The following LRRTM4 variants were observed in gnomAD, a reference collection of about 807,000 sequenced individuals.
LRRTM4 encodes leucine-rich repeat transmembrane neuronal protein 4.
A neutral mutation model predicts 47.6 loss-of-function variants in LRRTM4; 25 were observed. That is an observed-to-expected ratio of 0.53 (90% confidence interval 0.38 to 0.73). The LOEUF is 0.73. Among genes scored for constraint, LRRTM4 ranks in the 30% least tolerant of loss-of-function variants. LRRTM4 has a pLI of 0.00. For missense variants in LRRTM4, 638 were observed against 713.4 expected, an observed-to-expected ratio of 0.89 and a Z score of 1.20; for synonymous variants, 311 against 269.5, an observed-to-expected ratio of 1.15 and a Z score of -1.51.
chr2:77,411,618 ATTTT>A (rs1222177148), intron 3 of LRRTM4, among the ~76,000 whole-genome samples: 7 of 64,810 alleles, frequency 1.1e-4, no homozygotes, highest in African/African-American at 4.5e-4. Flanking sequence ...ATGCCCGGCT[ATTTT>A]TTTTTTTTTT....
intron 3 of LRRTM4, among the ~76,000 whole-genome samples, chr2:76,908,225 A>T (rs899305470): frequency 7.2e-5 from 11 of 151,852 alleles, no homozygotes; most frequent in African/African-American, 2.7e-4. Flanking sequence ...GCATATAAAC[A>T]GAACCAAAGA....
At position 77,371,633 on chromosome 2, in the gene LRRTM4, C is replaced by T. The variant is rs142955661; in HGVS notation, c.1551+146685G>A. 3.8e-3 allele frequency among the ~76,000 whole-genome samples: 578 copies of T among 151,704 alleles called. 3 individuals are homozygous for T. Among genetic ancestry groups the T allele is most frequent in the Non-Finnish European group, 6.1e-3 (411 of 67,802 alleles). On this transcript the variant is annotated intron_variant, in intron 3 of 3. Coordinates refer to ENST00000409884, the MANE Select transcript of LRRTM4 (RefSeq NM_001134745.3). The stretch of plus-strand genomic sequence containing the variant: ...GACCTTCTTCTTGCTCTAAGCCATG[C>T]TTTACTCCGGTTTTTGGGGGGTCCT...
At chr2:76,873,392 T>C (rs551251835) in intron 3 of LRRTM4, among the ~76,000 whole-genome samples, 19 of 151,118 alleles carry the variant, frequency 1.3e-4, no homozygotes, top group African/African-American at 4.1e-4. Flanking sequence ...TATATAAATA[T>C]ATAGTCTGTA....
chr2:77,190,131 C>G (rs1224023645), intron 3 of LRRTM4, among the ~76,000 whole-genome samples: 2 of 151,750 alleles, frequency 1.3e-5, no homozygotes, highest in Non-Finnish European at 2.9e-5. Context: ...TTTTCTTTTT[C>G]TTTTTGGGTC....
intron 3 of LRRTM4, among the ~76,000 whole-genome samples, chr2:76,783,228 A>C (rs1388695107): frequency 6.6e-6 from 1 of 152,198 alleles, no homozygotes; most frequent in Non-Finnish European, 1.5e-5. Flanking sequence ...CAGTAAGCTA[A>C]ATGTTGTGTT....
intron 3 of LRRTM4, among the ~76,000 whole-genome samples, chr2:76,945,612 T>A (rs761592693): frequency 6.6e-6 from 1 of 152,018 alleles, no homozygotes; most frequent in South Asian, 2.1e-4. Flanking sequence ...CCTGCATATA[T>A]ATACTGCAAC....
intron 3 of LRRTM4, among the ~76,000 whole-genome samples, chr2:77,134,223 G>A (rs894217667): frequency 2.6e-5 from 4 of 152,012 alleles, no homozygotes; most frequent in Non-Finnish European, 4.4e-5. Flanking sequence ...AAAGGTGCTA[G>A]GTCTTTCAAA....
rs76976863 is a variant in LRRTM4, at chr2:76,982,586, C to G, written c.1552-233670G>C. ...GCTTGTATCTAGAAGAGTCACCAGA[C>G]TGGGTGGTAGAATATGACTTAGTCA... On this transcript the variant is annotated intron_variant, in intron 3 of 3. Transcript: ENST00000409884. 5.1e-3 allele frequency among the ~76,000 whole-genome samples: 768 copies of G among 152,054 alleles called. 4 individuals carry two copies. Among genetic ancestry groups the G allele is most frequent in the African/African-American group, 0.018 (736 of 41,484 alleles).
chr2:76,760,563 T>C (rs1017385823), intron 3 of LRRTM4, among the ~76,000 whole-genome samples: 5 of 151,904 alleles, frequency 3.3e-5, no homozygotes, highest in African/African-American at 9.7e-5. Flanking sequence ...TGGCCACATA[T>C]GTACAATAAA....
At chr2:76,852,195 T>C (rs1288195499) in intron 3 of LRRTM4, among the ~76,000 whole-genome samples, 1 of 152,134 alleles carries the variant, frequency 6.6e-6, no homozygotes, top group African/African-American at 2.4e-5. Flanking sequence ...ACTCCAAACT[T>C]CTAATTCTGA....
intron 3 of LRRTM4, among the ~76,000 whole-genome samples, chr2:77,432,559 G>T (rs116068694): frequency 6.6e-6 from 1 of 152,184 alleles, no homozygotes; most frequent in Admixed American, 6.5e-5. Flanking sequence ...GCCAGTCATC[G>T]ACATATGGGA....
At chr2:77,243,796 T>G (rs1675343209) in intron 3 of LRRTM4, among the ~76,000 whole-genome samples, 1 of 145,856 alleles carries the variant, frequency 6.9e-6, no homozygotes, top group Admixed American at 6.9e-5. Context: ...ATACTTTAAG[T>G]TTTAGGGTAC....
At chr2:76,947,816 ATTAT>A (rs1411272592) in intron 3 of LRRTM4, among the ~76,000 whole-genome samples, 4 of 151,810 alleles carry the variant, frequency 2.6e-5, no homozygotes, top group African/African-American at 9.7e-5. Context: ...TGTGTGTTTC[ATTAT>A]TTGTTTTGAG....
chr2:77,219,002 T>A (rs1387771864), intron 3 of LRRTM4, among the ~76,000 whole-genome samples: 2 of 152,228 alleles, frequency 1.3e-5, no homozygotes, highest in Non-Finnish European at 2.9e-5. Context: ...TACACTGGAA[T>A]GACAGAGTAT....
intron 3 of LRRTM4, among the ~76,000 whole-genome samples, chr2:77,370,901 A>C (rs1259121801): frequency 6.6e-6 from 1 of 151,706 alleles, no homozygotes; most frequent in Non-Finnish European, 1.5e-5. Flanking sequence ...TGAGGCATCC[A>C]TACAAATTAA....
chr2:77,049,639 TA>T (rs1417827810), intron 3 of LRRTM4, among the ~76,000 whole-genome samples: 3 of 150,708 alleles, frequency 2.0e-5, no homozygotes, highest in African/African-American at 7.5e-5. Flanking sequence ...TAAATTAAAT[TA>T]ATTTTTTTGT....
chr2:76,782,453 C>CTTT (rs964949885), intron 3 of LRRTM4, among the ~76,000 whole-genome samples: 1 of 152,144 alleles, frequency 6.6e-6, no homozygotes, highest in African/African-American at 2.4e-5. Context: ...TTGCACTAAA[C>CTTT]ATGTTTTAAG....
intron 3 of LRRTM4, among the ~76,000 whole-genome samples, chr2:77,175,053 A>G (rs2103843065): frequency 6.9e-6 from 1 of 144,458 alleles, no homozygotes; most frequent in East Asian, 2.1e-4. Flanking sequence ...TAAGAAATCT[A>G]TTTTTCTTTA....
chr2:76,839,382 A>T lies in LRRTM4; in HGVS notation c.1552-90466T>A, dbSNP rs59318301. Among the ~76,000 whole-genome samples, 1,130 of 152,278 alleles carry T rather than the reference A, an allele frequency of 7.4e-3. 10 individuals carry two copies. Among genetic ancestry groups the T allele is most frequent in the African/African-American group, 0.026 (1,073 of 41,574 alleles). ...ATGATCAATTGTTTTATAACTGAAA[A>T]TATTTTACTGCCCTTAAGTTCTCTA... On this transcript the variant is annotated intron_variant, in intron 3 of 3. Transcript: ENST00000409884.
Sources: allele counts gnomAD v4.1 joint callset (sites outside exome capture counted in the v4.1 genomes callset), GRCh38; gene constraint gnomAD v4.1.1; transcripts MANE v1.5; gene names NCBI Gene and HGNC (gene_info 2026-07-23, HGNC 2026-07-21).